Variants in STARD13 observed in about 807,000 individuals in gnomAD.
STARD13 encodes StAR related lipid transfer domain containing 13, also known as stAR-related lipid transfer protein 13.
STARD13 carries 62 observed loss-of-function variants against 106.4 expected under a neutral mutation model. The observed-to-expected ratio is 0.58, with a 90% confidence interval of 0.48 to 0.72. The LOEUF (loss-of-function observed/expected upper bound fraction) is 0.72, where lower values mean the gene tolerates loss of function less well. Ranked by LOEUF, STARD13 falls within the 30% of genes least tolerant of loss-of-function variation. The pLI is 0.00. For synonymous variants in STARD13, 565 were observed against 553.0 expected (o/e 1.02, Z -0.31); for missense variants, 1,387 against 1,424.0 (o/e 0.97, Z 0.42).
chr13:33,620,043 G>A, the STARD13 span, among the ~76,000 whole-genome samples: 5,687 of 151,912 alleles, frequency 0.037, 325 homozygotes, highest in African/African-American at 0.13. Context: ...GGCGACAAGA[G>A]CAAAACTCTG....
chr13:33,569,188 T>C, the STARD13 span, among the ~76,000 whole-genome samples: 1 of 148,126 alleles, frequency 6.8e-6, no homozygotes, highest in Non-Finnish European at 1.5e-5. Flanking sequence ...TTGTATATGA[T>C]GTTATACTAT....
At chr13:33,139,655 A>G (rs1356806573) in intron 4 of STARD13, among the ~76,000 whole-genome samples, 1 of 152,264 alleles carries the variant, frequency 6.6e-6, no homozygotes, top group Non-Finnish European at 1.5e-5. Context: ...AAATAAATAA[A>G]TACTGAAGTT....
At chr13:33,124,802 G>A (rs1385246363) in intron 7 of STARD13, among the ~76,000 whole-genome samples, 5 of 152,148 alleles carry the variant, frequency 3.3e-5, no homozygotes, top group Non-Finnish European at 5.9e-5. Context: ...TCATGCTGGG[G>A]CATCTGTCAA....
the STARD13 span, among the ~76,000 whole-genome samples, chr13:33,397,192 G>T: frequency 1.3e-5 from 2 of 152,138 alleles, no homozygotes; most frequent in Non-Finnish European, 2.9e-5. Context: ...ATTTCCAGAC[G>T]ACTTATAAAC....
chr13:33,181,943 C>T (rs928327737), intron 1 of STARD13, among the ~76,000 whole-genome samples: 6 of 152,148 alleles, frequency 3.9e-5, no homozygotes, highest in African/African-American at 1.4e-4. Context: ...GAATCGGTCT[C>T]GCTTTTTAAG....
At chr13:33,528,927 C>T in the STARD13 span, among the ~76,000 whole-genome samples, 1 of 152,140 alleles carries the variant, frequency 6.6e-6, no homozygotes, top group African/African-American at 2.4e-5. Context: ...CTTGTGACTT[C>T]AGCCAATTAC....
chr13:33,237,561 A>G (rs1696285091), intron 1 of STARD13, among the ~76,000 whole-genome samples: 2 of 152,202 alleles, frequency 1.3e-5, no homozygotes, highest in South Asian at 4.1e-4. Flanking sequence ...TGCCTCCAGC[A>G]TCTTGCTTCT....
the STARD13 span, among the ~76,000 whole-genome samples, chr13:33,397,519 T>C: frequency 6.6e-6 from 1 of 152,326 alleles, no homozygotes; most frequent in East Asian, 1.9e-4. Context: ...TGCCAACATC[T>C]TGAAGCTATG....
chr13:33,170,590 C>A (rs921838068), intron 1 of STARD13, among the ~76,000 whole-genome samples: 1 of 151,978 alleles, frequency 6.6e-6, no homozygotes, highest in African/African-American at 2.4e-5. Flanking sequence ...ACTTTTAGAC[C>A]TCAGGCTTAA....
At chr13:33,116,500 G>A (rs1436040846) in intron 8 of STARD13, among the ~76,000 whole-genome samples, 4 of 152,174 alleles carry the variant, frequency 2.6e-5, no homozygotes, top group Non-Finnish European at 4.4e-5. Context: ...CAGAAGTCAC[G>A]CTCTGTAAAT....
chr13:33,344,560 A>G (rs2077998824), downstream of STARD13, among the ~76,000 whole-genome samples: 1 of 152,310 alleles, frequency 6.6e-6, no homozygotes, highest in East Asian at 1.9e-4. Context: ...TGAAGTCCCA[A>G]TCTTGTGTTT....
At chr13:33,601,060 T>C in the STARD13 span, among the ~76,000 whole-genome samples, 1 of 152,220 alleles carries the variant, frequency 6.6e-6, no homozygotes, top group Non-Finnish European at 1.5e-5. Context: ...TCTTGTCTTT[T>C]GGTGTGTGAT....
intron 1 of STARD13, among the ~76,000 whole-genome samples, chr13:33,225,561 C>T (rs2138191936): frequency 6.6e-6 from 1 of 152,196 alleles, no homozygotes; most frequent in South Asian, 2.1e-4. Context: ...ATTTATGCTG[C>T]TTGTTTTTAG....
chr13:33,346,535 T>G (rs1474305455), downstream of STARD13, among the ~76,000 whole-genome samples: 1 of 152,236 alleles, frequency 6.6e-6, no homozygotes, highest in Non-Finnish European at 1.5e-5. Context: ...AAGGATTTCC[T>G]TCCTTGGGAT....
At chr13:33,463,786 G>T in the STARD13 span, among the ~76,000 whole-genome samples, 1 of 151,826 alleles carries the variant, frequency 6.6e-6, no homozygotes, top group African/African-American at 2.4e-5. Flanking sequence ...AGCAGAGATG[G>T]GTAGATCACG....
the STARD13 span, among the ~76,000 whole-genome samples, chr13:33,653,851 T>C: frequency 1.3e-5 from 2 of 152,152 alleles, no homozygotes; most frequent in African/African-American, 4.8e-5. Context: ...AGTAACGCAA[T>C]TTAAAAAATG....
chr13:33,670,504 T>G, the STARD13 span, among the ~76,000 whole-genome samples: 1 of 152,358 alleles, frequency 6.6e-6, no homozygotes, highest in East Asian at 1.9e-4. Context: ...CTTATGATTA[T>G]GAACCAAAAT....
At chr13:33,598,196 A>G in the STARD13 span, among the ~76,000 whole-genome samples, 2 of 152,208 alleles carry the variant, frequency 1.3e-5, no homozygotes, top group Admixed American at 1.3e-4. Context: ...TTGGTATCCT[A>G]CATGCTACTC....
At chr13:33,462,581 A>G in the STARD13 span, among the ~76,000 whole-genome samples, 1 of 152,242 alleles carries the variant, frequency 6.6e-6, no homozygotes, top group Non-Finnish European at 1.5e-5. Flanking sequence ...CCAACAGCAC[A>G]GCCTTCAGTC....
Sources: allele counts gnomAD v4.1 joint callset (sites outside exome capture counted in the v4.1 genomes callset), GRCh38; gene constraint gnomAD v4.1.1; transcripts MANE v1.5; gene names NCBI Gene and HGNC (gene_info 2026-07-23, HGNC 2026-07-21).